Variants in BRINP3 observed in about 807,000 individuals in gnomAD.
The protein encoded by BRINP3 is BMP/retinoic acid-inducible neural-specific protein 3.
A neutral mutation model predicts 71.0 loss-of-function variants in BRINP3; 19 were observed. The observed-to-expected ratio is 0.27, with a 90% CI of 0.19 to 0.39. The LOEUF (loss-of-function observed/expected upper bound fraction) is 0.39. BRINP3 is among the 10% of genes least tolerant of loss of function. The probability of loss-of-function intolerance (pLI) is 1.00; values close to 1 mark genes in which losing one functional copy is unlikely to be tolerated. For missense variants in BRINP3, 959 were observed against 940.8 expected, an observed-to-expected ratio of 1.02 and a Z score of -0.25; for synonymous variants, 380 against 337.7, an observed-to-expected ratio of 1.13 and a Z score of -1.37.
At chr1:190,433,954 C>G (rs540034452) in intron 2 of BRINP3, among the ~76,000 whole-genome samples, 1 of 151,910 alleles carries the variant, frequency 6.6e-6, no homozygotes, top group African/African-American at 2.4e-5. Flanking sequence ...TTATCCCCAC[C>G]CCGGTTTTCT....
chr1:190,444,232 T>A (rs981406988), intron 2 of BRINP3, among the ~76,000 whole-genome samples: 2 of 47,090 alleles, frequency 4.2e-5, no homozygotes, highest in African/African-American at 8.7e-5. Context: ...AGAGCAAAAC[T>A]CCGTCTCAAA....
chr1:190,110,614 T>C (rs1425495621), intron 7 of BRINP3, among the ~76,000 whole-genome samples: 1 of 152,192 alleles, frequency 6.6e-6, no homozygotes, highest in Non-Finnish European at 1.5e-5. Context: ...AGATGACTGT[T>C]GGAGTCCTGT....
chr1:190,253,415 T>A (rs896125285), intron 4 of BRINP3, among the ~76,000 whole-genome samples: 1 of 152,214 alleles, frequency 6.6e-6, no homozygotes, highest in African/African-American at 2.4e-5. Context: ...TTCCTATTTC[T>A]ACACATCCTC....
chr1:190,120,652 G>A (rs1460912955), intron 7 of BRINP3, among the ~76,000 whole-genome samples: 5 of 144,998 alleles, frequency 3.4e-5, no homozygotes, highest in Non-Finnish European at 5.9e-5. Context: ...CAGCCACCAC[G>A]CCCGGCTAAT....
At chr1:190,198,614 T>G (rs970689179) in intron 6 of BRINP3, among the ~76,000 whole-genome samples, 3 of 152,132 alleles carry the variant, frequency 2.0e-5, no homozygotes, top group East Asian at 3.9e-4. Flanking sequence ...GTTTCACAAA[T>G]CTCTAGGGCA....
At chr1:190,368,757 G>A (rs948733569) in intron 2 of BRINP3, among the ~76,000 whole-genome samples, 1 of 152,118 alleles carries the variant, frequency 6.6e-6, no homozygotes, top group Non-Finnish European at 1.5e-5. Context: ...TCGGGCTCCA[G>A]AGGAAGGTCT....
intron 1 of BRINP3, among the ~76,000 whole-genome samples, chr1:190,461,765 C>G (rs931511760): frequency 7.9e-5 from 12 of 151,956 alleles, no homozygotes; most frequent in Middle Eastern, 3.4e-3. Context: ...AATCTGTATC[C>G]GAATCTGCAT....
intron 2 of BRINP3, among the ~76,000 whole-genome samples, chr1:190,449,480 C>T (rs1288994645): frequency 6.6e-6 from 1 of 152,012 alleles, no homozygotes; most frequent in Non-Finnish European, 1.5e-5. Context: ...TACCTTCTCC[C>T]TTCAGTAAAA....
At chr1:190,390,083 G>A (rs1171384) in intron 2 of BRINP3, among the ~76,000 whole-genome samples, 55,029 of 151,440 alleles carry the variant, frequency 0.36, 11,038 homozygotes, top group Admixed American at 0.49. Context: ...ACAACTACTA[G>A]AGCAGTAACT....
At chr1:190,229,010 C>T (rs562172376) in intron 5 of BRINP3, among the ~76,000 whole-genome samples, 2 of 152,018 alleles carry the variant, frequency 1.3e-5, no homozygotes, top group East Asian at 3.9e-4. Context: ...TTGTTTTCAA[C>T]CCACCTTCTC....
intron 7 of BRINP3, among the ~76,000 whole-genome samples, chr1:190,156,385 T>A (rs760052182): frequency 6.6e-6 from 1 of 152,060 alleles, no homozygotes; most frequent in Non-Finnish European, 1.5e-5. Flanking sequence ...AAATATAATT[T>A]GTAATGAAAG....
intron 7 of BRINP3, among the ~76,000 whole-genome samples, chr1:190,138,055 A>C (rs2102377348): frequency 6.6e-6 from 1 of 152,208 alleles, no homozygotes; most frequent in Admixed American, 6.5e-5. Context: ...CCCAGGTTCA[A>C]GCGATTCTCC....
At chr1:190,103,412 C>T (rs1459141877) in intron 7 of BRINP3, among the ~76,000 whole-genome samples, 1 of 151,872 alleles carries the variant, frequency 6.6e-6, no homozygotes, top group African/African-American at 2.4e-5. Context: ...TAAAGAAAAT[C>T]AACTTAAGAT....
intron 2 of BRINP3, among the ~76,000 whole-genome samples, chr1:190,324,790 A>T (rs141103987): frequency 5.3e-4 from 80 of 152,038 alleles, no homozygotes; most frequent in African/African-American, 1.8e-3. Context: ...TATTTTTGTC[A>T]TAAGTTTAGT....
chr1:190,337,698 C>T (rs1277493431), intron 2 of BRINP3, among the ~76,000 whole-genome samples: 1 of 152,088 alleles, frequency 6.6e-6, no homozygotes, highest in Non-Finnish European at 1.5e-5. Context: ...TTTTGGGACT[C>T]AGACTGCAGA....
intron 2 of BRINP3, among the ~76,000 whole-genome samples, chr1:190,301,597 A>G (rs1664743961): frequency 1.3e-5 from 2 of 151,780 alleles, no homozygotes; most frequent in Admixed American, 6.6e-5. Flanking sequence ...TTTTTAAAGT[A>G]TATACAATAT....
chr1:190,387,228 A>T (rs1670969402), intron 2 of BRINP3, among the ~76,000 whole-genome samples: 1 of 152,036 alleles, frequency 6.6e-6, no homozygotes, highest in Non-Finnish European at 1.5e-5. Flanking sequence ...TTTAATAAGG[A>T]TAAATGAAAA....
intron 4 of BRINP3, among the ~76,000 whole-genome samples, chr1:190,246,994 GC>G (rs1417711919): frequency 6.6e-6 from 1 of 151,804 alleles, no homozygotes; most frequent in Non-Finnish European, 1.5e-5. Context: ...TTCTCCACTT[GC>G]CTTTTTGTGT....
intron 2 of BRINP3, among the ~76,000 whole-genome samples, chr1:190,370,063 G>A (rs1161090127): frequency 6.6e-6 from 1 of 152,056 alleles, no homozygotes; most frequent in Non-Finnish European, 1.5e-5. Context: ...TCTCAGTGAA[G>A]AAATTGAAGA....
Sources: allele counts gnomAD v4.1 joint callset (sites outside exome capture counted in the v4.1 genomes callset), GRCh38; gene constraint gnomAD v4.1.1; transcripts MANE v1.5; gene names NCBI Gene and HGNC (gene_info 2026-07-23, HGNC 2026-07-21).